R3HDM1: variants seen among roughly 807,000 people sequenced by gnomAD.
The protein encoded by R3HDM1 is R3H domain containing 1.
A neutral mutation model predicts 141.1 loss-of-function variants in R3HDM1; 46 were observed. The observed-to-expected ratio is 0.33, with a 90% CI of 0.26 to 0.42. R3HDM1 has a LOEUF of 0.42. Among genes scored for constraint, R3HDM1 ranks in the 10% least tolerant of loss-of-function variants. The probability of loss-of-function intolerance (pLI) is 1.00; values close to 1 mark genes in which losing one functional copy is unlikely to be tolerated. For missense variants in R3HDM1, 1,184 were observed against 1,368.3 expected, an observed-to-expected ratio of 0.87 and a Z score of 2.12; for synonymous variants, 435 against 472.9, an observed-to-expected ratio of 0.92 and a Z score of 1.04.
intron 21 of R3HDM1, among the ~76,000 whole-genome samples, chr2:135,693,026 G>A (rs774341074): frequency 1.3e-5 from 2 of 151,622 alleles, no homozygotes; most frequent in African/African-American, 4.8e-5. Context: ...TCTGAAACAC[G>A]CCAAATAGGA....
At chr2:135,596,699 T>C (rs917217351) in intron 1 of R3HDM1, among the ~76,000 whole-genome samples, 1 of 152,246 alleles carries the variant, frequency 6.6e-6, no homozygotes, top group African/African-American at 2.4e-5. Context: ...CTTATATTTG[T>C]ACCTATAGTT....
At chr2:135,628,590 G>A (rs954376228) in intron 7 of R3HDM1, among the ~76,000 whole-genome samples, 1 of 152,144 alleles carries the variant, frequency 6.6e-6, no homozygotes, top group Non-Finnish European at 1.5e-5. Context: ...ACTGTTTTAT[G>A]AACTCCAAAT....
chr2:135,719,763 G>T (rs2076528082), intron 24 of R3HDM1, among the ~76,000 whole-genome samples: 1 of 151,950 alleles, frequency 6.6e-6, no homozygotes, highest in African/African-American at 2.4e-5. Flanking sequence ...TTCTGTTAAT[G>T]CTAAGTTTTT....
chr2:135,656,080 A>G (rs36084664), intron 18 of R3HDM1, among the ~76,000 whole-genome samples: 27,928 of 151,998 alleles, frequency 0.18, 3,851 homozygotes, highest in Non-Finnish European at 0.3. Flanking sequence ...AGTTTTTTAT[A>G]GTATTTGAAG....
At chr2:135,623,101 T>G in intron 7 of R3HDM1, 2 of 928,014 alleles carry the variant, frequency 2.2e-6, no homozygotes, top group Non-Finnish European at 2.6e-6. Flanking sequence ...TTTGAAGTTT[T>G]TAAATGCAAA....
Position 135,576,631 on chromosome 2 carries a change from CAG to C in R3HDM1, c.-249-25866_-249-25865del, listed in dbSNP as rs555954783. ...GTCCATTGACTGATAATTGGATAAG[CAG>C]AGTGTGGTATGTCCATACAATGAAA... is the stretch of plus-strand genomic sequence containing the variant. On this transcript the variant is annotated intron_variant, in intron 1 of 26. Transcript: ENST00000683871. Among the ~76,000 whole-genome samples the C allele has an allele frequency of 3.0e-3, 451 of 152,156 alleles. 3 individuals carry two copies. Among genetic ancestry groups the C allele is most frequent in the African/African-American group, 0.01 (421 of 41,512 alleles).
chr2:135,642,493 T>C (rs1439758648), intron 15 of R3HDM1, among the ~76,000 whole-genome samples: 1 of 152,188 alleles, frequency 6.6e-6, no homozygotes, highest in African/African-American at 2.4e-5. Context: ...ACTGCAGTTA[T>C]AGTACATTTC....
At chr2:135,535,412 T>G (rs1215969944) in intron 1 of R3HDM1, among the ~76,000 whole-genome samples, 2 of 151,860 alleles carry the variant, frequency 1.3e-5, no homozygotes, top group Non-Finnish European at 2.9e-5. Flanking sequence ...GGCAGGACAA[T>G]CACTTGAACT....
At chr2:135,593,140 G>T (rs566348070) in intron 1 of R3HDM1, among the ~76,000 whole-genome samples, 4 of 151,838 alleles carry the variant, frequency 2.6e-5, no homozygotes, top group African/African-American at 9.7e-5. Context: ...GGCTAGTCTC[G>T]AACTCCTGAC....
At chr2:135,677,357 C>T (rs1183004787) in intron 20 of R3HDM1, among the ~76,000 whole-genome samples, 1 of 152,160 alleles carries the variant, frequency 6.6e-6, no homozygotes, top group South Asian at 2.1e-4. Flanking sequence ...AGCCTAGGCA[C>T]ATGAGCCTGC....
chr2:135,650,786 T>C (rs578210949), intron 17 of R3HDM1: 1 of 984,048 alleles, frequency 1.0e-6, no homozygotes, highest in African/African-American at 1.7e-5. Flanking sequence ...ATAGCCGTAA[T>C]TTACTTTGGA....
At chr2:135,687,664 A>G (rs1012287157) in intron 21 of R3HDM1, among the ~76,000 whole-genome samples, 3 of 152,208 alleles carry the variant, frequency 2.0e-5, no homozygotes, top group Admixed American at 2.0e-4. Context: ...AAATGTAGTA[A>G]GATGTGAATT....
intron 18 of R3HDM1, among the ~76,000 whole-genome samples, chr2:135,652,957 G>A (rs1253053749): frequency 6.6e-6 from 1 of 150,836 alleles, no homozygotes; most frequent in African/African-American, 2.4e-5. Context: ...GATCTTAGTG[G>A]TATCCCCTTT....
chr2:135,717,289 A>G (rs1487756938), intron 24 of R3HDM1, among the ~76,000 whole-genome samples: 1 of 151,974 alleles, frequency 6.6e-6, no homozygotes, highest in African/African-American at 2.4e-5. Flanking sequence ...TTCGAGACCA[A>G]CCTGGCCAAC....
intron 7 of R3HDM1, among the ~76,000 whole-genome samples, chr2:135,629,145 T>C (rs529095502): frequency 6.6e-6 from 1 of 151,888 alleles, no homozygotes; most frequent in South Asian, 2.1e-4. Context: ...GGTGAAACCC[T>C]GTGACTACTA....
intron 21 of R3HDM1, among the ~76,000 whole-genome samples, chr2:135,687,329 A>G (rs2071528854): frequency 6.6e-6 from 1 of 152,180 alleles, no homozygotes; most frequent in South Asian, 2.1e-4. Context: ...AGATGAATGA[A>G]CTCTGGAAAT....
At chr2:135,572,581 C>T (rs983169195) in intron 1 of R3HDM1, among the ~76,000 whole-genome samples, 2 of 152,194 alleles carry the variant, frequency 1.3e-5, no homozygotes, top group Admixed American at 6.5e-5. Flanking sequence ...TCCTACATTG[C>T]TCTTGGGAAT....
chr2:135,541,691 A>C (rs1336664118), intron 1 of R3HDM1, among the ~76,000 whole-genome samples: 1 of 152,138 alleles, frequency 6.6e-6, no homozygotes, highest in East Asian at 1.9e-4. Flanking sequence ...GGTAAAGATC[A>C]CTGATTGCAG....
At chr2:135,537,399 C>A (rs1696423990) in intron 1 of R3HDM1, among the ~76,000 whole-genome samples, 1 of 146,900 alleles carries the variant, frequency 6.8e-6, no homozygotes, top group Non-Finnish European at 1.5e-5. Flanking sequence ...GATTCTCCTT[C>A]CTCAGCCCCC....
Sources: gnomAD v4.1 joint callset for allele counts (sites outside exome capture counted in the v4.1 genomes callset) on GRCh38, gnomAD v4.1.1 for gene constraint, MANE v1.5 for transcripts, NCBI Gene and HGNC (gene_info 2026-07-23, HGNC 2026-07-21) for gene names.